The following PIGU variants were observed in gnomAD, a reference collection of about 807,000 sequenced individuals.
PIGU encodes GPI-anchor transamidase component PIGU.
In PIGU, 24 loss-of-function variants were observed where a neutral mutation model predicts 49.9. The ratio of observed to expected loss-of-function variants is 0.48; its 90% CI spans 0.35 to 0.68. The LOEUF (loss-of-function observed/expected upper bound fraction) is 0.68. Among genes scored for constraint, PIGU ranks in the 30% least tolerant of loss-of-function variants. PIGU has a pLI of 0.01. For missense variants in PIGU, 490 were observed against 532.6 expected (o/e 0.92, Z 0.79); for synonymous variants, 220 against 205.7 (o/e 1.07, Z -0.59).
intron 11 of PIGU, among the ~76,000 whole-genome samples, chr20:34,566,220 G>A (rs1982762161): frequency 1.3e-5 from 2 of 152,318 alleles, no homozygotes; most frequent in South Asian, 4.1e-4. Context: ...CTCTAACCCT[G>A]CATTGTTACA....
chr20:34,649,445 A>T (rs1986459520), intron 2 of PIGU, among the ~76,000 whole-genome samples: 1 of 136,800 alleles, frequency 7.3e-6, no homozygotes, highest in African/African-American at 2.8e-5. Flanking sequence ...GAATCTAGGT[A>T]TTTTCAACAG....
At chr20:34,576,886 G>C (rs1487652773) in intron 10 of PIGU, among the ~76,000 whole-genome samples, 1 of 152,172 alleles carries the variant, frequency 6.6e-6, no homozygotes, top group African/African-American at 2.4e-5. Flanking sequence ...AGGGACACTT[G>C]TGATTACACT....
chr20:34,669,234 A>C lies in PIGU; in HGVS notation c.130+7722T>G, dbSNP rs924012911. The stretch of plus-strand genomic sequence containing the variant: ...ATGGTTTAGTTAATAGTATTGTACC[A>C]ATGCTATCATCTTAGTTTTGATCAC... On this transcript the variant is annotated intron_variant, in intron 1 of 11. Coordinates refer to ENST00000217446, the MANE Select transcript of PIGU (RefSeq NM_080476.5). 3.3e-5 allele frequency among the ~76,000 whole-genome samples: 5 copies of C among 152,158 alleles called. No individual in the cohort carries two copies. In the South Asian group the frequency reaches 1.0e-3, roughly 32 times the overall value.
intron 11 of PIGU, among the ~76,000 whole-genome samples, chr20:34,562,139 C>T (rs761360766): frequency 6.6e-6 from 1 of 152,208 alleles, no homozygotes; most frequent in Admixed American, 6.5e-5. Flanking sequence ...TGCCAAGGGC[C>T]CTATACACCA....
intron 1 of PIGU, among the ~76,000 whole-genome samples, chr20:34,667,703 G>T (rs1232745793): frequency 6.6e-6 from 1 of 152,114 alleles, no homozygotes; most frequent in Non-Finnish European, 1.5e-5. Context: ...ATGAATGAGA[G>T]AAACAGAAAA....
intron 2 of PIGU, among the ~76,000 whole-genome samples, 195 bp downstream of exon 2, chr20:34,656,985 A>G (rs1045709487): frequency 4.6e-5 from 7 of 152,220 alleles, no homozygotes. Context: ...CCCAGTTACA[A>G]TCTTAATCTG....
intron 2 of PIGU, among the ~76,000 whole-genome samples, chr20:34,646,071 T>C: frequency 6.6e-6 from 1 of 152,286 alleles, no homozygotes; most frequent in South Asian, 2.1e-4. Flanking sequence ...GTTTGTATAA[T>C]ATTTTTTTCT....
chr20:34,561,057 T>G (rs6059916), intron 11 of PIGU, 78 bp from the exon 12 acceptor site: 843,474 of 1,022,912 alleles, frequency 0.82, 350,255 homozygotes, highest in Admixed American at 0.92. Context: ...CTGGCAGGTG[T>G]TGTTGGAAGA....
intron 1 of PIGU, among the ~76,000 whole-genome samples, chr20:34,671,422 C>T (rs966190753): frequency 2.6e-5 from 4 of 151,992 alleles, no homozygotes; most frequent in South Asian, 2.1e-4. Context: ...CCACCACGTC[C>T]GGCTAATTTT....
intron 4 of PIGU, among the ~76,000 whole-genome samples, chr20:34,641,027 G>A (rs1986143014): frequency 6.6e-6 from 1 of 152,002 alleles, no homozygotes; most frequent in Non-Finnish European, 1.5e-5. Context: ...CCAAGTAGCT[G>A]GGATTACAGG....
rs1049898331 is a variant in PIGU at position 34,632,042 on chromosome 20, C to T, written c.529+2573G>A. ...TTTTTGTAAAGATGAGGTCTCACTA[C>T]GTTGCCCAGGCTGGTCTCAAATTCC... is the stretch of plus-strand genomic sequence containing the variant. On this transcript the variant is annotated intron_variant, in intron 6 of 11. Coordinates refer to ENST00000217446, the MANE Select transcript of PIGU (RefSeq NM_080476.5). Among the ~76,000 whole-genome samples the T allele has an allele frequency of 7.9e-5, 12 of 151,036 alleles. No homozygotes were observed. In the South Asian group the frequency reaches 8.4e-4, roughly 11 times the overall value.
intron 7 of PIGU, among the ~76,000 whole-genome samples, chr20:34,604,434 A>G (rs1984540447): frequency 6.6e-6 from 1 of 152,232 alleles, no homozygotes; most frequent in African/African-American, 2.4e-5. Flanking sequence ...AGTTCTTGGA[A>G]TCACAAGAAG....
chr20:34,584,727 G>A (rs530834242), intron 9 of PIGU, among the ~76,000 whole-genome samples: 4 of 151,314 alleles, frequency 2.6e-5, no homozygotes, highest in African/African-American at 4.9e-5. Flanking sequence ...TTGCTCTGTC[G>A]CCCAGGCTGG....
chr20:34,664,581 T>C (rs1465167941), intron 1 of PIGU, among the ~76,000 whole-genome samples: 2 of 152,020 alleles, frequency 1.3e-5, no homozygotes, highest in Non-Finnish European at 2.9e-5. Flanking sequence ...GGTAGAAGAA[T>C]CGCTTGAACC....
intron 11 of PIGU, among the ~76,000 whole-genome samples, chr20:34,568,938 G>A (rs6088528): frequency 0.44 from 66,948 of 151,980 alleles, 15,333 homozygotes; most frequent in Non-Finnish European, 0.5. Context: ...GGCCAGGTGC[G>A]GCAGCTGACA....
chr20:34,622,314 C>T (rs1360178385), intron 6 of PIGU, among the ~76,000 whole-genome samples: 1 of 151,950 alleles, frequency 6.6e-6, no homozygotes, highest in Admixed American at 6.6e-5. Context: ...GTCAGGAGTT[C>T]GAGACCAGCC....
intron 7 of PIGU, among the ~76,000 whole-genome samples, chr20:34,611,031 GTTACACC>G (rs1439135513): frequency 1.1e-4 from 16 of 152,076 alleles, no homozygotes; most frequent in Non-Finnish European, 2.1e-4. Context: ...GGACCCCTTT[GTTACACC>G]TTATACAAAA....
chr20:34,637,817 CT>C, intron 5 of PIGU, 58 bp downstream of exon 5: 4 of 1,590,360 alleles, frequency 2.5e-6, no homozygotes, highest in Non-Finnish European at 3.4e-6. Flanking sequence ...ATGGGAAAGT[CT>C]CATCAGATTT....
At chr20:34,633,831 T>C (rs536881237) in intron 6 of PIGU, among the ~76,000 whole-genome samples, 15 of 152,194 alleles carry the variant, frequency 9.9e-5, no homozygotes, top group Admixed American at 7.9e-4. Context: ...GGCCTCCAAG[T>C]GCTGGGATTA....
Sources: gnomAD v4.1 joint callset for allele counts (sites outside exome capture counted in the v4.1 genomes callset) on GRCh38, gnomAD v4.1.1 for gene constraint, MANE v1.5 for transcripts, NCBI Gene and HGNC (gene_info 2026-07-23, HGNC 2026-07-21) for gene names.